Variants in TMC1 observed in about 807,000 individuals in gnomAD.
TMC1 encodes the protein transmembrane channel like 1, also known as transmembrane channel-like protein 1.
In TMC1, 84 loss-of-function variants were observed where a neutral mutation model predicts 105.8. That is an observed-to-expected ratio of 0.79 (90% CI 0.67 to 0.95). The LOEUF is 0.95. Ranked by LOEUF, TMC1 falls within the 40% of genes least tolerant of loss-of-function variation. TMC1 has a pLI of 0.00. For synonymous variants in TMC1, 315 were observed against 311.5 expected, an observed-to-expected ratio of 1.01 and a Z score of -0.12; for missense variants, 817 against 914.1, an observed-to-expected ratio of 0.89 and a Z score of 1.37.
rs74517917 is a variant in TMC1, at chr9:72,792,115, C to T, written c.1404+50C>T. 3.2e-3 allele frequency: 5,162 copies of T among 1,613,230 alleles called. 151 individuals carry two copies. In the African/African-American group the frequency reaches 0.061, roughly 19 times the overall value. On this transcript the variant is annotated intron_variant, in intron 16 of 23. Coordinates refer to ENST00000297784, the MANE Select transcript of TMC1 (RefSeq NM_138691.3). ...TTGCCATAAGAGTGTTGTTCAATTC[C>T]CAGTCTCAAGTTTGCCAGAAATGCC...
At chr9:72,616,576 T>G (rs1825133894) in intron 3 of TMC1, 99 bp downstream of exon 3, 1 of 138,554 alleles carries the variant, frequency 7.2e-6, no homozygotes, top group African/African-American at 2.8e-5. Context: ...ATCAAGGTTG[T>G]GTTAGTACTG....
At chr9:72,734,581 T>C (rs1827266972) in intron 8 of TMC1, among the ~76,000 whole-genome samples, 1 of 152,034 alleles carries the variant, frequency 6.6e-6, no homozygotes, top group African/African-American at 2.4e-5. Flanking sequence ...TCTTTGTACC[T>C]TCGAGTAGCT....
chr9:72,806,567 T>C (rs1256236896), intron 18 of TMC1, among the ~76,000 whole-genome samples: 1 of 120,506 alleles, frequency 8.3e-6, no homozygotes, highest in African/African-American at 3.3e-5. Context: ...GGGCAGAGGG[T>C]CTCCTCACTT....
In TMC1 at chr9:72,792,048, G is replaced by A. The variant is rs758352261; in HGVS notation, c.1387G>A (p.Asp463Asn). ...ATACGTATTTATTCTTGCATTAATG[G>A]ATGAGATTAACAACAAGGTAAGCCT... ...NLYVFILALMDEINNKIEEEK... is the reference protein window; with the variant it reads ...NLYVFILALMNEINNKIEEEK... Residue 463 changes from aspartate (D) to asparagine (N), a missense_variant, in exon 16 of 24, where the codon GAT (aspartate) becomes AAT (asparagine). Coordinates refer to ENST00000297784, the MANE Select transcript of TMC1 (RefSeq NM_138691.3). The A allele has an allele frequency of 8.2e-5, 133 of 1,613,952 alleles. No individual in the cohort carries two copies. Among genetic ancestry groups the A allele is most frequent in the Non-Finnish European group, 1.1e-4 (128 of 1,180,006 alleles).
chr9:72,805,367 A>C lies in TMC1; in HGVS notation c.1567-15A>C, dbSNP rs746170962. Reference sequence around the variant, plus strand: ...GACAGAACTGTGTGTTTTAATAGAGATAATATCTCAACAGGAGTTTGTGAG... The same window carrying C: ...GACAGAACTGTGTGTTTTAATAGAGCTAATATCTCAACAGGAGTTTGTGAG... On this transcript the variant is annotated splice_polypyrimidine_tract_variant and intron_variant, in intron 17 of 23. Transcript: ENST00000297784. The C allele has an allele frequency of 5.0e-6, 8 of 1,613,166 alleles. No homozygotes were observed. In the East Asian group the frequency reaches 1.6e-4, roughly 31 times the overall value.
chr9:72,523,934 A>G (rs1385355835), intron 1 of TMC1, among the ~76,000 whole-genome samples: 1 of 152,212 alleles, frequency 6.6e-6, no homozygotes, highest in African/African-American at 2.4e-5. Flanking sequence ...AAGGGGCATC[A>G]TGGGCTCTGA....
intron 5 of TMC1, among the ~76,000 whole-genome samples, chr9:72,660,677 A>G (rs985532755): frequency 7.9e-5 from 12 of 152,202 alleles, no homozygotes; most frequent in Non-Finnish European, 1.3e-4. Flanking sequence ...TGAATAGACA[A>G]GGCTCTTCTT....
intron 8 of TMC1, among the ~76,000 whole-genome samples, chr9:72,713,559 T>C (rs937099508): frequency 6.6e-6 from 1 of 152,214 alleles, no homozygotes; most frequent in Non-Finnish European, 1.5e-5. Flanking sequence ...TTTATTTGCA[T>C]AGAGGTATTT....
intron 5 of TMC1, among the ~76,000 whole-genome samples, chr9:72,668,488 C>T (rs2132166722): frequency 6.6e-6 from 1 of 152,282 alleles, no homozygotes; most frequent in Admixed American, 6.5e-5. Flanking sequence ...CTGTTTTCTT[C>T]TCTGTACAAT....
chr9:72,581,979 C>T (rs375117607), intron 2 of TMC1, among the ~76,000 whole-genome samples: 1 of 152,026 alleles, frequency 6.6e-6, no homozygotes. Context: ...TTTTTTGAGA[C>T]GGAGTTTCGC....
At chr9:72,691,127 C>T (rs1826459894) in intron 6 of TMC1, among the ~76,000 whole-genome samples, 1 of 152,034 alleles carries the variant, frequency 6.6e-6, no homozygotes, top group South Asian at 2.1e-4. Context: ...TTCTGTTACT[C>T]TATTCTTCAG....
chr9:72,768,223 A>G (rs1827869234), intron 12 of TMC1, among the ~76,000 whole-genome samples: 2 of 152,116 alleles, frequency 1.3e-5, no homozygotes, highest in African/African-American at 4.8e-5. Flanking sequence ...TAACACAGGA[A>G]CAGAAAACCA....
At chr9:72,709,697 T>A (rs1826803279) in intron 8 of TMC1, among the ~76,000 whole-genome samples, 1 of 152,144 alleles carries the variant, frequency 6.6e-6, no homozygotes, top group Non-Finnish European at 1.5e-5. Context: ...TCTGTGGTGT[T>A]GGCTGTAATA....
intron 2 of TMC1, among the ~76,000 whole-genome samples, chr9:72,606,998 TATATAGAGAG>T (rs1400599010): frequency 3.4e-5 from 4 of 117,204 alleles, no homozygotes; most frequent in Admixed American, 1.7e-4. Context: ...TATATATATA[TATATAGAGAG>T]AGAGAGAGAG....
chr9:72,654,401 C>T, intron 5 of TMC1, among the ~76,000 whole-genome samples: 1 of 152,074 alleles, frequency 6.6e-6, no homozygotes. Flanking sequence ...CTTTTGTCTC[C>T]ATCTATTCTT....
chr9:72,595,311 A>G (rs1256446215), intron 2 of TMC1, among the ~76,000 whole-genome samples: 3 of 152,158 alleles, frequency 2.0e-5, no homozygotes, highest in African/African-American at 4.8e-5. Flanking sequence ...ATAGACCCCG[A>G]CCAGCCTACA....
Position 72,833,032 on chromosome 9 carries a change from T to G in TMC1, c.2260+2350T>G, listed in dbSNP as rs745603349. Among the ~76,000 whole-genome samples the G allele has an allele frequency of 2.6e-5, 4 of 152,160 alleles. No homozygotes were observed. The East Asian group carries it at 7.7e-4, about 29-fold the overall frequency. Reference sequence around the variant, plus strand: ...TTGTTGTAATTTCTTGACTTTTTAGTTTTAAGTATTATCTCTTAAAATTAT... The same window carrying G: ...TTGTTGTAATTTCTTGACTTTTTAGGTTTAAGTATTATCTCTTAAAATTAT... On this transcript the variant is annotated intron_variant, in intron 23 of 23. Transcript: ENST00000297784.
chr9:72,559,727 G>C (rs1000676067), intron 1 of TMC1, among the ~76,000 whole-genome samples: 1 of 152,174 alleles, frequency 6.6e-6, no homozygotes, highest in African/African-American at 2.4e-5. Flanking sequence ...ACAAAAAAAA[G>C]AGTGGTTAAA....
chr9:72,730,509 T>G lies in TMC1; in HGVS notation c.363-9610T>G, dbSNP rs79787625. 1.9e-4 allele frequency among the ~76,000 whole-genome samples: 29 copies of G among 152,320 alleles called. 1 individual carries two copies. Among genetic ancestry groups the G allele is most frequent in the African/African-American group, 7.0e-4 (29 of 41,572 alleles). On this transcript the variant is annotated intron_variant, in intron 8 of 23. Coordinates refer to ENST00000297784, the MANE Select transcript of TMC1 (RefSeq NM_138691.3). Reference sequence around the variant, plus strand: ...ACTTGTTGCACATTGGAATTGTTCATGGACTTACAAAAATATTGATGCCAT... The same window carrying G: ...ACTTGTTGCACATTGGAATTGTTCAGGGACTTACAAAAATATTGATGCCAT...
Sources: gnomAD v4.1 joint callset for allele counts (sites outside exome capture counted in the v4.1 genomes callset) on GRCh38, gnomAD v4.1.1 for gene constraint, MANE v1.5 for transcripts, NCBI Gene and HGNC (gene_info 2026-07-23, HGNC 2026-07-21) for gene names.